Variants in STRBP observed in about 807,000 individuals in gnomAD.
STRBP encodes the protein spermatid perinuclear RNA-binding protein.
Under a neutral mutation model 80.1 loss-of-function variants are expected in STRBP, and 13 were observed. That is an observed-to-expected ratio of 0.16 (90% CI 0.11 to 0.26). The LOEUF (loss-of-function observed/expected upper bound fraction) is 0.26, where lower values mean the gene tolerates loss of function less well. Among genes scored for constraint, STRBP ranks in the 10% least tolerant of loss-of-function variants. The pLI, the probability that STRBP is intolerant of heterozygous loss-of-function variation, is 1.00. For synonymous variants in STRBP, 284 were observed against 291.2 expected (o/e 0.98, Z 0.25); for missense variants, 485 against 815.2 (o/e 0.59, Z 4.93).
At chr9:123,154,241 G>T (rs1457471586) in intron 11 of STRBP, among the ~76,000 whole-genome samples, 1 of 152,172 alleles carries the variant, frequency 6.6e-6, no homozygotes, top group Non-Finnish European at 1.5e-5. Flanking sequence ...CATATTCATA[G>T]TGGATACTAT....
rs567847572 is a variant in STRBP at position 123,214,913 on chromosome 9, T to A, written c.-165+21917A>T. Among the ~76,000 whole-genome samples, 19 of 152,340 alleles carry A rather than the reference T, an allele frequency of 1.2e-4. No homozygotes were observed. In the South Asian group the frequency reaches 3.9e-3, roughly 32 times the overall value. On this transcript the variant is annotated intron_variant, in intron 2 of 18. Coordinates refer to ENST00000348403, the MANE Select transcript of STRBP (RefSeq NM_018387.5). ...TACTTTAGTCTCTGGGCATATAGAT[T>A]GCTTCGCATTATAGTTTCTGGTGTC... is the stretch of plus-strand genomic sequence containing the variant.
chr9:123,152,795 G>A (rs2037115213), intron 11 of STRBP, among the ~76,000 whole-genome samples: 1 of 152,040 alleles, frequency 6.6e-6, no homozygotes, highest in Admixed American at 6.5e-5. Context: ...TGTTGGAACA[G>A]TTCTGTATGT....
In STRBP at chr9:123,184,279, G is replaced by A; in HGVS notation, c.-145C>T. ...GCGTCAATATAGCAAATGTCTGAAG[G>A]CTTGTTCTCTGGAACACACCTGCAA... On this transcript the variant is annotated 5_prime_UTR_variant, in exon 3 of 19. Transcript: ENST00000348403. The A allele has an allele frequency of 3.0e-6, 2 of 672,352 alleles. No homozygotes were observed. Among genetic ancestry groups the A allele is most frequent in the Non-Finnish European group, 4.8e-6 (2 of 415,168 alleles). The allele number at this position is 672,352 out of a possible 1,614,324, so 41.6% of individuals were successfully genotyped here. A position where few individuals can be genotyped will look rare whatever the true frequency, so the allele number is the denominator to read the frequency against.
chr9:123,197,671 T>C (rs1421985769), intron 2 of STRBP, among the ~76,000 whole-genome samples: 1 of 131,114 alleles, frequency 7.6e-6, no homozygotes, highest in Non-Finnish European at 1.6e-5. Context: ...ATATTTCTTT[T>C]TTTTTTTTTT....
At chr9:123,168,619 C>T (rs2037872122) in intron 6 of STRBP, among the ~76,000 whole-genome samples, 1 of 152,146 alleles carries the variant, frequency 6.6e-6, no homozygotes, top group Admixed American at 6.6e-5. Context: ...ACTGGTATTT[C>T]AGGTAAGGGA....
Position 123,184,203 on chromosome 9 carries a change from CTGTTTTG to C in STRBP, c.-76_-70del, listed in dbSNP as rs1309600453. 1 of 1,526,726 alleles carries C rather than the reference CTGTTTTG, an allele frequency of 6.5e-7. No individual in the cohort carries two copies. 94.6% of individuals were successfully genotyped at this position (1,526,726 alleles called of 1,614,324 possible). A position where few individuals can be genotyped will look rare whatever the true frequency, so the allele number is the denominator to read the frequency against. ...TCTTTCTTGTCGTCTTCACTAGACA[CTGTTTTG>C]TGTAACAATACCTCCTCATAAGCCT... On this transcript the variant is annotated 5_prime_UTR_variant, in exon 3 of 19. The change creates a premature stop within an existing upstream ORF in the 5' untranslated region. Coordinates refer to ENST00000348403, the MANE Select transcript of STRBP (RefSeq NM_018387.5).
chr9:123,207,095 A>AT (rs1411231110), intron 2 of STRBP, among the ~76,000 whole-genome samples: 19 of 152,228 alleles, frequency 1.2e-4, no homozygotes, highest in African/African-American at 2.9e-4. Context: ...CTATAAAAGA[A>AT]TAAAAAAAAC....
At chr9:123,194,720 G>A (rs1405246016) in intron 2 of STRBP, among the ~76,000 whole-genome samples, 1 of 152,042 alleles carries the variant, frequency 6.6e-6, no homozygotes, top group East Asian at 1.9e-4. Context: ...ATTTAATGCT[G>A]TGAATAATTC....
intron 1 of STRBP, among the ~76,000 whole-genome samples, chr9:123,262,529 T>G (rs1425342167): frequency 1.3e-5 from 2 of 152,226 alleles, no homozygotes; most frequent in East Asian, 3.8e-4. Context: ...AATTCTCACT[T>G]TTCAAGTGGA....
intron 2 of STRBP, among the ~76,000 whole-genome samples, chr9:123,196,645 C>T (rs1297505204): frequency 6.6e-6 from 1 of 152,276 alleles, no homozygotes; most frequent in Non-Finnish European, 1.5e-5. Context: ...TACTCAACAT[C>T]ACTGATCATC....
intron 2 of STRBP, among the ~76,000 whole-genome samples, chr9:123,225,638 A>T (rs1588128661): frequency 1.3e-5 from 2 of 152,318 alleles, no homozygotes; most frequent in Non-Finnish European, 2.9e-5. Flanking sequence ...GTTTCCAGAG[A>T]CAGTAATTCT....
In STRBP at chr9:123,145,632, G is replaced by A. The variant is rs764543298; in HGVS notation, c.1338+1223C>T. ...AACTCTCTGTTCTTAAGACGAGAGA[G>A]TGAATTGTATATTTCACAAGCTTTT... On this transcript the variant is annotated intron_variant, in intron 13 of 18. Coordinates refer to ENST00000348403, the MANE Select transcript of STRBP (RefSeq NM_018387.5). Among the ~76,000 whole-genome samples, 3 of 152,310 alleles carry A rather than the reference G, an allele frequency of 2.0e-5. 1 individual carries two copies. The highest frequency in any genetic ancestry group is 6.8e-3 in the Middle Eastern group (2 of 294).
chr9:123,262,680 C>G (rs958962762), intron 1 of STRBP, among the ~76,000 whole-genome samples: 1 of 152,214 alleles, frequency 6.6e-6, no homozygotes, highest in Non-Finnish European at 1.5e-5. Flanking sequence ...TTAAGAGAAT[C>G]TGAATACCAA....
At chr9:123,129,356 CAATAAT>C (rs987364520) in intron 17 of STRBP, among the ~76,000 whole-genome samples, 4 of 151,760 alleles carry the variant, frequency 2.6e-5, no homozygotes, top group African/African-American at 7.3e-5. Flanking sequence ...GATCATGTCT[CAATAAT>C]AATAATAATA....
At chr9:123,267,680 A>C (rs1426589154) in intron 1 of STRBP, among the ~76,000 whole-genome samples, 172 of 61,268 alleles carry the variant, frequency 2.8e-3, no homozygotes, top group South Asian at 4.7e-3. Context: ...CCCTGCCCCG[A>C]CCCCCTCCTC....
intron 2 of STRBP, among the ~76,000 whole-genome samples, chr9:123,199,962 C>T (rs2039252302): frequency 6.6e-6 from 1 of 152,152 alleles, no homozygotes; most frequent in Admixed American, 6.5e-5. Context: ...CGGGGAAATG[C>T]TTTCAACTTT....
chr9:123,125,721 C>A, intron 18 of STRBP, 48 bp from the exon 19 acceptor site: 1 of 1,441,246 alleles, frequency 6.9e-7, no homozygotes, highest in Non-Finnish European at 9.6e-7. Flanking sequence ...TTTAATACTC[C>A]AATAAAAATT....
At chr9:123,216,044 T>G (rs1276825210) in intron 2 of STRBP, among the ~76,000 whole-genome samples, 1 of 152,326 alleles carries the variant, frequency 6.6e-6, no homozygotes. Flanking sequence ...ACCCTTGGAA[T>G]GAAATTTTTC....
At chr9:123,116,589 A>G (rs2035649180) in intron 2 of STRBP, among the ~76,000 whole-genome samples, 1 of 152,218 alleles carries the variant, frequency 6.6e-6, no homozygotes, top group South Asian at 2.1e-4. Context: ...CTAAGGAAGG[A>G]TCAGGGAGAT....
Sources: allele counts gnomAD v4.1 joint callset (sites outside exome capture counted in the v4.1 genomes callset), GRCh38; gene constraint gnomAD v4.1.1; transcripts MANE v1.5; gene names NCBI Gene and HGNC (gene_info 2026-07-23, HGNC 2026-07-21).